The following POLA1 variants were observed in gnomAD, a reference collection of about 807,000 sequenced individuals.
The protein encoded by POLA1 is DNA polymerase alpha catalytic subunit.
Under a neutral mutation model 124.0 loss-of-function variants are expected in POLA1, and 15 were observed. The ratio of observed to expected loss-of-function variants is 0.12; its 90% CI spans 0.08 to 0.19. POLA1 has a LOEUF of 0.19. Ranked by LOEUF, POLA1 falls within the 10% of genes least tolerant of loss-of-function variation. The pLI is 1.00. For synonymous variants in POLA1, 408 were observed against 389.4 expected, an observed-to-expected ratio of 1.05 and a Z score of -0.56; for missense variants, 886 against 1,103.4, an observed-to-expected ratio of 0.80 and a Z score of 2.79.
intron 34 of POLA1, among the ~76,000 whole-genome samples, chrX:24,883,149 GAGA>G (rs1423079209): frequency 8.9e-6 from 1 of 111,873 alleles, no homozygotes; most frequent in Non-Finnish European, 1.9e-5. Context: ...TATGTCTTTT[GAGA>G]AGTATCTGTT....
intron 36 of POLA1, among the ~76,000 whole-genome samples, chrX:24,969,821 C>G (rs2048278576): frequency 2.7e-5 from 3 of 110,876 alleles, no homozygotes; most frequent in Non-Finnish European, 5.7e-5. Flanking sequence ...CACCTCAGCC[C>G]CCTCTGACAG....
At position 24,816,951 on chromosome X, in the gene POLA1, G is replaced by A. The variant is rs1399856508; in HGVS notation, c.3429+1840G>A. On this transcript the variant is annotated intron_variant, in intron 30 of 36. Transcript: ENST00000379068. ...ATTTCTAGACTTATGTAAAAGTAGAGAGCATGGTATCATGGATCCTCATGT... is the reference window on the plus strand; with the variant it reads ...ATTTCTAGACTTATGTAAAAGTAGAAAGCATGGTATCATGGATCCTCATGT... Among the ~76,000 whole-genome samples the A allele has an allele frequency of 2.7e-5, 3 of 112,021 alleles. No individual in the cohort carries two copies. The Admixed American group carries it at 2.8e-4, about 11-fold the overall frequency.
intron 36 of POLA1, among the ~76,000 whole-genome samples, chrX:24,971,288 G>A (rs1025236991): frequency 4.5e-5 from 5 of 111,959 alleles, no homozygotes; most frequent in Non-Finnish European, 7.5e-5. Flanking sequence ...CTGTGAAGCC[G>A]GGATGCCCCT....
At chrX:24,834,479 A>C (rs1275099665) in intron 32 of POLA1, among the ~76,000 whole-genome samples, 7 of 112,271 alleles carry the variant, frequency 6.2e-5, no homozygotes, top group African/African-American at 2.3e-4. Flanking sequence ...TAGTATTTTA[A>C]AAACTTGTTG....
intron 34 of POLA1, among the ~76,000 whole-genome samples, chrX:24,853,662 G>A (rs57332566): frequency 0.013 from 1,417 of 112,210 alleles, 24 homozygotes; most frequent in African/African-American, 0.043. Context: ...GAAATTTGTC[G>A]TTGGTTACAA....
intron 26 of POLA1, among the ~76,000 whole-genome samples, chrX:24,757,853 A>G (rs752511208): frequency 1.3e-4 from 14 of 111,685 alleles, no homozygotes; most frequent in Admixed American, 9.5e-4. Flanking sequence ...AAATATTCCA[A>G]AATTCCAAAT....
At position 24,797,805 on chromosome X, in the gene POLA1, TG is replaced by T. The variant is rs1268628461; in HGVS notation, c.2965-12087del. On this transcript the variant is annotated intron_variant, in intron 26 of 36. Transcript: ENST00000379068. ...ACTTACACCTGTAATCCCAGCACTT[TG>T]GGGGGCTGAGGTGGGAGGATTGCTT... 7.3e-5 allele frequency among the ~76,000 whole-genome samples: 8 copies of T among 109,952 alleles called. No homozygotes were observed. In the East Asian group the frequency reaches 2.3e-3, roughly 31 times the overall value.
rs1928520277 is a variant in POLA1 at position 24,702,467 on chromosome X, A to G, written c.169-784A>G. 2.7e-5 allele frequency among the ~76,000 whole-genome samples: 3 copies of G among 112,571 alleles called. No individual in the cohort carries two copies. The Admixed American group carries it at 2.8e-4, about 11-fold the overall frequency. On this transcript the variant is annotated intron_variant, in intron 2 of 36. Transcript: ENST00000379068. ...GCCTTTCCCCATGGGCAGCTGCAGCAGTGGTGTGTATCTTTCATTTGTTGC... is the reference window on the plus strand; with the variant it reads ...GCCTTTCCCCATGGGCAGCTGCAGCGGTGGTGTGTATCTTTCATTTGTTGC...
intron 36 of POLA1, among the ~76,000 whole-genome samples, chrX:24,984,923 G>A (rs2048464978): frequency 9.0e-6 from 1 of 111,215 alleles, no homozygotes; most frequent in African/African-American, 3.3e-5. Flanking sequence ...GCCTCCCAAA[G>A]TGCTGGGATT....
At chrX:24,756,578 T>C (rs1179747685) in intron 26 of POLA1, among the ~76,000 whole-genome samples, 2 of 109,656 alleles carry the variant, frequency 1.8e-5, no homozygotes, top group East Asian at 5.7e-4. Flanking sequence ...AAAAAAAAAT[T>C]GAAATTTTAC....
intron 26 of POLA1, among the ~76,000 whole-genome samples, chrX:24,767,998 CA>C (rs1166951418): frequency 8.9e-6 from 1 of 112,519 alleles, no homozygotes; most frequent in Non-Finnish European, 1.9e-5. Flanking sequence ...AGCCATAATT[CA>C]AATCTAGGCA....
At chrX:24,702,636 T>C (rs1928534549) in intron 2 of POLA1, among the ~76,000 whole-genome samples, 1 of 112,590 alleles carries the variant, frequency 8.9e-6, no homozygotes, top group Non-Finnish European at 1.9e-5. Context: ...TAAGTCCTTG[T>C]GTGGTTTCAA....
At chrX:24,882,101 G>A (rs1185941884) in intron 34 of POLA1, among the ~76,000 whole-genome samples, 1 of 110,803 alleles carries the variant, frequency 9.0e-6, no homozygotes, top group Non-Finnish European at 1.9e-5. Context: ...AACAGTCTGA[G>A]GTCTGGCTTT....
intron 35 of POLA1, among the ~76,000 whole-genome samples, chrX:24,920,712 G>C (rs1401017815): frequency 9.0e-6 from 1 of 111,728 alleles, no homozygotes; most frequent in Admixed American, 9.5e-5. Flanking sequence ...AGGATAATCA[G>C]AATAGGTAGC....
At chrX:24,971,376 C>T (rs1224356792) in intron 36 of POLA1, among the ~76,000 whole-genome samples, 1 of 112,596 alleles carries the variant, frequency 8.9e-6, no homozygotes, top group East Asian at 2.8e-4. Context: ...CATATCTTAC[C>T]TGCTGCTCAT....
chrX:24,898,442 C>A (rs2047235478), intron 35 of POLA1, among the ~76,000 whole-genome samples: 1 of 112,408 alleles, frequency 8.9e-6, no homozygotes, highest in Non-Finnish European at 1.9e-5. Context: ...ATGGAGGTGA[C>A]ATTTCTACAT....
intron 32 of POLA1, among the ~76,000 whole-genome samples, chrX:24,838,832 A>T (rs1423012207): frequency 8.9e-6 from 1 of 112,501 alleles, no homozygotes; most frequent in African/African-American, 3.2e-5. Flanking sequence ...TGGCAGCACC[A>T]GATACTTGTT....
intron 35 of POLA1, among the ~76,000 whole-genome samples, chrX:24,925,206 T>C (rs1245362990): frequency 8.9e-6 from 1 of 112,058 alleles, no homozygotes; most frequent in African/African-American, 3.2e-5. Context: ...GGGGTACGTT[T>C]TGGGTTTTTT....
At chrX:24,950,568 C>G (rs1057221839) in intron 36 of POLA1, among the ~76,000 whole-genome samples, 6 of 111,907 alleles carry the variant, frequency 5.4e-5, no homozygotes, top group African/African-American at 1.6e-4. Context: ...AACATCTGTT[C>G]CACCAGTAGT....
Sources: allele counts gnomAD v4.1 joint callset (sites outside exome capture counted in the v4.1 genomes callset), GRCh38; gene constraint gnomAD v4.1.1; transcripts MANE v1.5; gene names NCBI Gene and HGNC (gene_info 2026-07-23, HGNC 2026-07-21).